The following PKD1L1 variants were observed in gnomAD, a reference collection of about 807,000 sequenced individuals.
PKD1L1 encodes the protein polycystin 1 like 1, transient receptor potential channel interacting.
PKD1L1 carries 236 observed loss-of-function variants against 323.4 expected under a neutral mutation model. The observed-to-expected ratio is 0.73, with a 90% CI of 0.66 to 0.81. PKD1L1 has a LOEUF of 0.81. Ranked by LOEUF, PKD1L1 falls within the 40% of genes least tolerant of loss-of-function variation. The probability of loss-of-function intolerance (pLI) is 0.00; values close to 1 mark genes in which losing one functional copy is unlikely to be tolerated. For synonymous variants in PKD1L1, 1,344 were observed against 1,335.0 expected, an observed-to-expected ratio of 1.01 and a Z score of -0.15; for missense variants, 3,320 against 3,508.0, an observed-to-expected ratio of 0.95 and a Z score of 1.35.
At chr7:47,922,954 T>C (rs1258064439) in intron 7 of PKD1L1, among the ~76,000 whole-genome samples, 5 of 152,224 alleles carry the variant, frequency 3.3e-5, no homozygotes, top group Non-Finnish European at 7.3e-5. Context: ...TAGAAAGAAG[T>C]AGACATAGGA....
chr7:47,798,365 T>G (rs1784587884), intron 54 of PKD1L1, among the ~76,000 whole-genome samples: 1 of 152,206 alleles, frequency 6.6e-6, no homozygotes, highest in Admixed American at 6.5e-5. Flanking sequence ...GGATATTCAT[T>G]TATAAAAAAC....
Position 47,893,948 on chromosome 7 carries a change from T to C in PKD1L1, c.2383A>G (p.Thr795Ala), listed in dbSNP as rs770638687. The change falls in exon 15 of 57, where the codon ACC becomes GCC. Residue 795 changes from threonine to alanine, a missense_variant. Thr to Ala is a moderately conservative substitution (Grantham distance 58). Coordinates refer to ENST00000289672, the MANE Select transcript of PKD1L1 (RefSeq NM_138295.5). ...CTGAGGACAATGGGGGATGAGGTGG[T>C]CCTGGAGAAGAATAGGTGTGTGCCC... ...SEGTHLFFSRTTSSPIVLRGT... is the reference protein window; with the variant it reads ...SEGTHLFFSRATSSPIVLRGT... 5.6e-6 allele frequency: 9 copies of C among 1,613,700 alleles called. No homozygotes were observed. Among genetic ancestry groups the C allele is most frequent in the Non-Finnish European group, 7.6e-6 (9 of 1,179,976 alleles).
Position 47,893,947 on chromosome 7 carries a change from G to A in PKD1L1, c.2384C>T (p.Thr795Ile). 6.2e-7 allele frequency: 1 copy of A among 1,614,054 alleles called. No individual in the cohort carries two copies. Residue 795 changes from threonine (T) to isoleucine (I), a missense_variant, in exon 15 of 57, where the codon ACC becomes ATC. Coordinates refer to ENST00000289672, the MANE Select transcript of PKD1L1 (RefSeq NM_138295.5). ...SEGTHLFFSRTTSSPIVLRGT... is the reference protein window; with the variant it reads ...SEGTHLFFSRITSSPIVLRGT... ...TCTGAGGACAATGGGGGATGAGGTG[G>A]TCCTGGAGAAGAATAGGTGTGTGCC...
chr7:47,865,276 A>T lies in PKD1L1; in HGVS notation c.4093-4T>A. ...GAACAGAACCAATCATTTCTTCCTGACCAGAAGAAACAACAATAAAACAAA... is the reference window on the plus strand; with the variant it reads ...GAACAGAACCAATCATTTCTTCCTGTCCAGAAGAAACAACAATAAAACAAA... On this transcript the variant is annotated splice_polypyrimidine_tract_variant and splice_region_variant and intron_variant, in intron 25 of 56. Transcript: ENST00000289672. 6.2e-7 allele frequency: 1 copy of T among 1,611,956 alleles called. No individual in the cohort carries two copies.
At chr7:47,812,450 G>C (rs1784921558) in intron 49 of PKD1L1, among the ~76,000 whole-genome samples, 1 of 152,160 alleles carries the variant, frequency 6.6e-6, no homozygotes, top group African/African-American at 2.4e-5. Flanking sequence ...GGAGAAGGCA[G>C]TTACTAAATA....
rs757878662 is a variant in PKD1L1 at position 47,830,096 on chromosome 7, G to A, written c.6502C>T (p.Leu2168=). ...ACCACGGAGAGGGACAGCAGGTGCA[G>A]CCACTGCACACATTGCTCCTGGCCA... ...RFGQEQCVQW[L]HLLSLSVVCC... The change falls in exon 43 of 57, where the codon CTG becomes TTG. Residue 2168 remains leucine (L), a synonymous_variant. Coordinates refer to ENST00000289672, the MANE Select transcript of PKD1L1 (RefSeq NM_138295.5). 2 of 1,614,150 alleles carry A rather than the reference G, an allele frequency of 1.2e-6. No homozygotes were observed. Among genetic ancestry groups the A allele is most frequent in the South Asian group, 2.2e-5 (2 of 91,066 alleles).
chr7:47,952,625 A>T (rs1788220466), upstream of PKD1L1, among the ~76,000 whole-genome samples: 2 of 152,266 alleles, frequency 1.3e-5, no homozygotes, highest in Admixed American at 1.3e-4. Context: ...GTCCTAAGTG[A>T]TGTTAATTTG....
intron 56 of PKD1L1, among the ~76,000 whole-genome samples, chr7:47,778,737 A>T (rs1175809620): frequency 6.6e-6 from 1 of 152,206 alleles, no homozygotes; most frequent in Non-Finnish European, 1.5e-5. Context: ...TTAGTCTCAT[A>T]AGAATTTGAA....
chr7:47,929,308 G>A lies in PKD1L1; in HGVS notation c.956C>T (p.Ala319Val), dbSNP rs548298731. The change falls in exon 7 of 57, where the codon GCT becomes GTT. Residue 319 changes from alanine to valine, a missense_variant. Coordinates refer to ENST00000289672, the MANE Select transcript of PKD1L1 (RefSeq NM_138295.5). ...CCCGAAATCCATCATCAGACAGAGAGCCTCTCCAGAAGCCATATGAACACG... is the reference window on the plus strand; with the variant it reads ...CCCGAAATCCATCATCAGACAGAGAACCTCTCCAGAAGCCATATGAACACG... ...GFRVHMASGEALCLMMDFGDS... is the reference protein window; with the variant it reads ...GFRVHMASGEVLCLMMDFGDS... 3 of 1,614,164 alleles carry A rather than the reference G, an allele frequency of 1.9e-6. No individual in the cohort carries two copies. Among genetic ancestry groups the A allele is most frequent in the Admixed American group, 1.7e-5 (1 of 60,022 alleles).
chr7:47,928,289 G>T (rs1349402920), intron 7 of PKD1L1, among the ~76,000 whole-genome samples: 1 of 152,108 alleles, frequency 6.6e-6, no homozygotes, highest in Non-Finnish European at 1.5e-5. Flanking sequence ...GGCCGGGGGG[G>T]AAGGTGCAGT....
Position 47,890,756 on chromosome 7 carries a change from A to G in PKD1L1, c.2461T>C (p.Trp821Arg). 2 of 1,612,292 alleles carry G rather than the reference A, an allele frequency of 1.2e-6. No individual in the cohort carries two copies. The highest frequency in any genetic ancestry group is 2.2e-4 in the Middle Eastern group (1 of 4,624). Residue 821 changes from tryptophan (W) to arginine (R), a missense_variant, in exon 16 of 57, where the codon TGG becomes CGG. Trp to Arg is a moderately radical substitution (Grantham distance 101). Transcript: ENST00000289672. ...GGGGAGCCAGCGGTGGCGCATTCCC[A>G]GTGATACCTGTTGGAGAAGTCATCG... is the stretch of plus-strand genomic sequence containing the variant. The part of the protein sequence containing the change: ...DDPGATLRYH[W>R]ECATAGSPAH...
chr7:47,832,685 C>T (rs1785372280), intron 41 of PKD1L1, among the ~76,000 whole-genome samples: 1 of 152,212 alleles, frequency 6.6e-6, no homozygotes, highest in African/African-American at 2.4e-5. Context: ...CAGCAGGATT[C>T]AATCACCCTG....
chr7:47,928,475 CG>C (rs1216801886), intron 7 of PKD1L1, among the ~76,000 whole-genome samples: 1 of 152,140 alleles, frequency 6.6e-6, no homozygotes, highest in East Asian at 1.9e-4. Context: ...GAGGCTGAGG[CG>C]GGAGGATCCC....
chr7:47,957,532 A>G, the PKD1L1 span, among the ~76,000 whole-genome samples: 1 of 152,104 alleles, frequency 6.6e-6, no homozygotes, highest in South Asian at 2.1e-4. Flanking sequence ...TTTTTGAGAC[A>G]AGATCTCACT....
chr7:47,885,487 T>C (rs1284343614), intron 18 of PKD1L1, among the ~76,000 whole-genome samples, 199 bp downstream of exon 18: 2 of 152,108 alleles, frequency 1.3e-5, no homozygotes, highest in Admixed American at 6.6e-5. Flanking sequence ...GGGTTTGTCA[T>C]TTTCCCAGTT....
chr7:47,822,163 A>G (rs1236866145), intron 45 of PKD1L1, among the ~76,000 whole-genome samples: 1 of 152,140 alleles, frequency 6.6e-6, no homozygotes, highest in African/African-American at 2.4e-5. Context: ...CTGCAGCTGT[A>G]TAGTATGTCT....
At chr7:47,799,322 G>A (rs570940212) in intron 54 of PKD1L1, among the ~76,000 whole-genome samples, 3 of 152,222 alleles carry the variant, frequency 2.0e-5, no homozygotes, top group African/African-American at 7.2e-5. Context: ...CAAAGGACTC[G>A]GGCCTGAGTG....
intron 43 of PKD1L1, 22 bp from the exon 44 acceptor site, chr7:47,829,623 C>T (rs775318344): frequency 2.5e-5 from 40 of 1,588,582 alleles, no homozygotes; most frequent in East Asian, 4.5e-5. Flanking sequence ...AACATGACAG[C>T]GCAGAGAGCC....
intron 46 of PKD1L1, chr7:47,819,689 C>A: frequency 1.3e-6 from 1 of 758,596 alleles, no homozygotes; most frequent in Non-Finnish European, 1.9e-6. Flanking sequence ...ACAGAACACC[C>A]AGACTCATAG....
Sources: allele counts gnomAD v4.1 joint callset (sites outside exome capture counted in the v4.1 genomes callset), GRCh38; gene constraint gnomAD v4.1.1; transcripts MANE v1.5; gene names NCBI Gene and HGNC (gene_info 2026-07-23, HGNC 2026-07-21).